The following PLD2 variants were observed in gnomAD, a reference collection of about 807,000 sequenced individuals.
PLD2 encodes choline phosphatase 2.
Under a neutral mutation model 119.8 loss-of-function variants are expected in PLD2, and 101 were observed. The ratio of observed to expected loss-of-function variants is 0.84; its 90% confidence interval spans 0.72 to 0.99. PLD2 has a LOEUF of 0.99. Ranked by LOEUF, PLD2 falls within the 50% of genes least tolerant of loss-of-function variation. The pLI, the probability that PLD2 is intolerant of heterozygous loss-of-function variation, is 0.00. For missense variants in PLD2, 1,164 were observed against 1,226.8 expected, an observed-to-expected ratio of 0.95 and a Z score of 0.76; for synonymous variants, 494 against 482.8, an observed-to-expected ratio of 1.02 and a Z score of -0.30.
In PLD2 at chr17:4,821,840, C is replaced by T. The variant is rs780039454; in HGVS notation, c.2510C>T (p.Pro837Leu). Residue 837 changes from proline to leucine, a missense_variant, in exon 24 of 25, where the codon CCC becomes CTC. By Grantham distance (98) the Pro-to-Leu change is moderately conservative (BLOSUM62 -3). Coordinates refer to ENST00000263088, the MANE Select transcript of PLD2 (RefSeq NM_002663.5). ...NTRPDLDLRD[P>L]ICDDFFQLWQ... Reference sequence around the variant, plus strand: ...CGGCCAGACTTGGATCTCCGAGACCCCATCTGTGATGACTTCTTCCAGTTG... The same window carrying T: ...CGGCCAGACTTGGATCTCCGAGACCTCATCTGTGATGACTTCTTCCAGTTG... The T allele has an allele frequency of 1.9e-6, 3 of 1,614,090 alleles. No homozygotes were observed. In the Admixed American group the frequency reaches 5.0e-5, roughly 27 times the overall value.
rs1132447 is a variant in PLD2 at position 4,814,693 on chromosome 17, T to C, written c.1155T>C (p.Ile385=). The part of the protein sequence containing the change: ...PAHSDDWRLD[I]MLKRKAEEGV... ...ATTCAGATGACTGGAGACTGGACAT[T>C]ATGCTCAAGAGGAAGGCGGTGAGGA... is the stretch of plus-strand genomic sequence containing the variant. Residue 385 remains isoleucine, a synonymous_variant, in exon 12 of 25, where the codon ATT becomes ATC. Coordinates refer to ENST00000263088, the MANE Select transcript of PLD2 (RefSeq NM_002663.5). The C allele has an allele frequency of 6.2e-7, 1 of 1,613,768 alleles. No individual in the cohort carries two copies. Among genetic ancestry groups the C allele is most frequent in the South Asian group, 1.1e-5 (1 of 91,074 alleles).
chr17:4,819,768 C>T lies in PLD2; in HGVS notation c.2462+186C>T, dbSNP rs1434804339. Among the ~76,000 whole-genome samples, 2 of 151,728 alleles carry T rather than the reference C, an allele frequency of 1.3e-5. No individual in the cohort carries two copies. The highest frequency in any genetic ancestry group is 4.8e-5 in the African/African-American group (2 of 41,338). On this transcript the variant is annotated intron_variant, in intron 23 of 24. Transcript: ENST00000263088. This position sits in a 1 kb window ranked among gnomAD's most constrained non-coding sequence, Gnocchi z 4.2. Reference sequence around the variant, plus strand: ...ATCCCAGCACTTTGGGAGGCCAAGGCGGGTGGATTGCCTGAGGTCAGGATT... The same window carrying T: ...ATCCCAGCACTTTGGGAGGCCAAGGTGGGTGGATTGCCTGAGGTCAGGATT...
Position 4,816,621 on chromosome 17 carries a change from C to T in PLD2, c.1457C>T (p.Pro486Leu). 6.2e-7 allele frequency: 1 copy of T among 1,613,956 alleles called. No individual in the cohort carries two copies. Among genetic ancestry groups the T allele is most frequent in the Non-Finnish European group, 8.5e-7 (1 of 1,179,872 alleles). Residue 486 changes from proline (P) to leucine (L), a missense_variant and splice_region_variant, in exon 15 of 25, where the codon CCT becomes CTT. Physicochemically the swap from Pro to Leu is moderately conservative, Grantham distance 98. Transcript: ENST00000263088. Reference sequence around the variant, plus strand: ...GGCTTGGGTGTGTTCCCCCTACAGCCTCCCACCCCGCGCCCAGACTCACCA... The same window carrying T: ...GGCTTGGGTGTGTTCCCCCTACAGCTTCCCACCCCGCGCCCAGACTCACCA... ...GDSSESAASQ[P>L]PTPRPDSPAT...
Position 4,814,474 on chromosome 17 carries a change from A to T in PLD2, c.1067A>T (p.Gln356Leu). The T allele has an allele frequency of 1.2e-6, 2 of 1,613,418 alleles. No homozygotes were observed. Among genetic ancestry groups the T allele is most frequent in the Non-Finnish European group, 1.7e-6 (2 of 1,179,792 alleles). The change falls in exon 11 of 25, where the codon CAA becomes CTA. Residue 356 changes from glutamine to leucine, a missense_variant. Physicochemically the swap from Gln to Leu is moderately radical, Grantham distance 113. Coordinates refer to ENST00000263088, the MANE Select transcript of PLD2 (RefSeq NM_002663.5). The stretch of plus-strand genomic sequence containing the variant: ...GTGGCAGATGCCATCCTTCGAGCTC[A>T]AGAGGAGATTTTCATCACAGACTGG... Reference protein sequence around the residue: ...AAVADAILRAQEEIFITDWWL... With the variant: ...AAVADAILRALEEIFITDWWL...
In PLD2 at chr17:4,818,339, A is replaced by C; in HGVS notation, c.1963A>C (p.Asn655His). Reference sequence around the variant, plus strand: ...CTGCTCAGATGGGCGGACGGTTCTGAACAAGGTGGGCGATGAGATTGTGGA... The same window carrying C: ...CTGCTCAGATGGGCGGACGGTTCTGCACAAGGTGGGCGATGAGATTGTGGA... ...ISCSDGRTVLNKVGDEIVDRI... is the reference protein window; with the variant it reads ...ISCSDGRTVLHKVGDEIVDRI... The change falls in exon 19 of 25, where the codon AAC (asparagine) becomes CAC (histidine). Residue 655 changes from asparagine (N) to histidine (H), a missense_variant. Coordinates refer to ENST00000263088, the MANE Select transcript of PLD2 (RefSeq NM_002663.5). 1.9e-6 allele frequency: 3 copies of C among 1,614,194 alleles called. No individual in the cohort carries two copies. The highest frequency in any genetic ancestry group is 2.5e-6 in the Non-Finnish European group (3 of 1,180,028).
At position 4,810,853 on chromosome 17, in the gene PLD2, A is replaced by C; in HGVS notation, c.912A>C (p.Gln304His). ...SSYRQARWWA[Q>H]EITELAQGPG... ...ACCGGCAGGCACGGTGGTGGGCCCA[A>C]GAGATCACTGAGCTGGCACAGGGCC... The change falls in exon 10 of 25, where the codon CAA becomes CAC. Residue 304 changes from glutamine (Q) to histidine (H), a missense_variant. Coordinates refer to ENST00000263088, the MANE Select transcript of PLD2 (RefSeq NM_002663.5). The C allele has an allele frequency of 6.2e-7, 1 of 1,613,800 alleles. No homozygotes were observed. The highest frequency in any genetic ancestry group is 8.5e-7 in the Non-Finnish European group (1 of 1,179,876).
chr17:4,814,341 A>T lies in PLD2; in HGVS notation c.1011-77A>T, dbSNP rs1035438968. The stretch of plus-strand genomic sequence containing the variant: ...ACCTTGCTGTCACCTCTGACCCACG[A>T]CTGTCCTCCGGTCTTCACTCTCCAG... On this transcript the variant is annotated intron_variant, in intron 10 of 24. Coordinates refer to ENST00000263088, the MANE Select transcript of PLD2 (RefSeq NM_002663.5). 5 of 1,542,930 alleles carry T rather than the reference A, an allele frequency of 3.2e-6. No homozygotes were observed. The African/African-American group carries it at 5.5e-5, about 17-fold the overall frequency.
chr17:4,808,220 TGGGGAGGC>T lies in PLD2; in HGVS notation c.241-48_241-41del. ...GGGGCAAAAGGAGGGCTGGCCAGAG[TGGGGAGGC>T]GGGGACCCACGCAGGGGACATCCAT... On this transcript the variant is annotated intron_variant, in intron 3 of 24. Coordinates refer to ENST00000263088, the MANE Select transcript of PLD2 (RefSeq NM_002663.5). The surrounding 1 kb of genome is among the most constrained non-coding windows in gnomAD (Gnocchi z 4.1). The T allele has an allele frequency of 1.3e-6, 2 of 1,598,112 alleles. No individual in the cohort carries two copies. The highest frequency in any genetic ancestry group is 1.7e-6 in the Non-Finnish European group (2 of 1,169,294).
At position 4,815,947 on chromosome 17, in the gene PLD2, A is replaced by G. The variant is rs1906929423; in HGVS notation, c.1455+13A>G. The G allele has an allele frequency of 6.3e-7, 1 of 1,591,990 alleles. No individual in the cohort carries two copies. Among genetic ancestry groups the G allele is most frequent in the Non-Finnish European group, 8.6e-7 (1 of 1,160,250 alleles). On this transcript the variant is annotated intron_variant, in intron 14 of 24. Transcript: ENST00000263088. The stretch of plus-strand genomic sequence containing the variant: ...AGCTGCCTCCCAGGTAATCCCCCTG[A>G]GGCCTTCCTGAGCACCCCCAAACTC...
At chr17:4,817,357 T>C in intron 17 of PLD2, 98 bp downstream of exon 17, 1 of 850,676 alleles carries the variant, frequency 1.2e-6, no homozygotes. Context: ...CACTCTCCTT[T>C]CCTGGGGTTA....
Position 4,816,630 on chromosome 17 carries a change from C to T in PLD2, c.1466C>T (p.Pro489Leu), listed in dbSNP as rs200699572. The T allele has an allele frequency of 4.5e-5, 72 of 1,613,998 alleles. No homozygotes were observed. Among genetic ancestry groups the T allele is most frequent in the African/African-American group, 1.3e-4 (10 of 75,012 alleles). ...GTGTTCCCCCTACAGCCTCCCACCCCGCGCCCAGACTCACCAGCCACCCCA... is the reference window on the plus strand; with the variant it reads ...GTGTTCCCCCTACAGCCTCCCACCCTGCGCCCAGACTCACCAGCCACCCCA... ...SESAASQPPT[P>L]RPDSPATPDL... Residue 489 changes from proline (P) to leucine (L), a missense_variant, in exon 15 of 25, where the codon CCG (proline) becomes CTG (leucine). Coordinates refer to ENST00000263088, the MANE Select transcript of PLD2 (RefSeq NM_002663.5).
At chr17:4,814,762 G>T (rs768950535) in intron 12 of PLD2, 51 bp downstream of exon 12, 6 of 1,520,550 alleles carry the variant, frequency 3.9e-6, no homozygotes, top group Non-Finnish European at 5.5e-6. Context: ...GTGGGTGGAG[G>T]TTGATTAGCA....
rs575972660 is a variant in PLD2, at chr17:4,819,339, T to A, written c.2309-90T>A. 109 of 1,600,246 alleles carry A rather than the reference T, an allele frequency of 6.8e-5. 1 individual carries two copies. The highest frequency in any genetic ancestry group is 4.7e-4 in the Admixed American group (28 of 59,288). Reference sequence around the variant, plus strand: ...TAGGGGTGGAGGGTCCAAGAAGGAATGTTGCAGGCCAGTGCTTTGGTAGAG... The same window carrying A: ...TAGGGGTGGAGGGTCCAAGAAGGAAAGTTGCAGGCCAGTGCTTTGGTAGAG... On this transcript the variant is annotated intron_variant, in intron 22 of 24. Coordinates refer to ENST00000263088, the MANE Select transcript of PLD2 (RefSeq NM_002663.5). The surrounding 1 kb of genome is among the most constrained non-coding windows in gnomAD (Gnocchi z 4.2).
rs752219225 is a variant in PLD2, at chr17:4,819,470, G to T, written c.2350G>T (p.Asp784Tyr). The change falls in exon 23 of 25, where the codon GAC (aspartate) becomes TAC (tyrosine). Residue 784 changes from aspartate (D) to tyrosine (Y), a missense_variant. By Grantham distance (160) the Asp-to-Tyr change is radical. Coordinates refer to ENST00000263088, the MANE Select transcript of PLD2 (RefSeq NM_002663.5). The surrounding 1 kb of genome is among the most constrained non-coding windows in gnomAD (Gnocchi z 4.2). The part of the protein sequence containing the change: ...INDRSLLGKR[D>Y]SELAVLIEDT... ...TGACCGGAGCTTGCTGGGGAAGCGG[G>T]ACAGTGAGCTGGCCGTGCTGATCGA... is the stretch of plus-strand genomic sequence containing the variant. 4 of 1,613,940 alleles carry T rather than the reference G, an allele frequency of 2.5e-6. No individual in the cohort carries two copies. The East Asian group carries it at 8.9e-5, about 36-fold the overall frequency.
chr17:4,822,733 T>G lies in PLD2; in HGVS notation c.2671T>G (p.Leu891Val). 6.2e-7 allele frequency: 1 copy of G among 1,613,896 alleles called. No individual in the cohort carries two copies. The highest frequency in any genetic ancestry group is 8.5e-7 in the Non-Finnish European group (1 of 1,179,786). ...VEPLATVSPP[L>V]ARSELTQVQG... The stretch of plus-strand genomic sequence containing the variant: ...GCCCTTGGCCACGGTCAGTCCCCCC[T>G]TGGCTCGGTCTGAGCTCACCCAGGT... Residue 891 changes from leucine to valine, a missense_variant, in exon 25 of 25, where the codon TTG becomes GTG. By Grantham distance (32) the Leu-to-Val change is conservative. Coordinates refer to ENST00000263088, the MANE Select transcript of PLD2 (RefSeq NM_002663.5).
At chr17:4,810,068 T>G in intron 9 of PLD2, 39 bp downstream of exon 9, 2 of 1,604,928 alleles carry the variant, frequency 1.2e-6, no homozygotes, top group Non-Finnish European at 1.7e-6. Context: ...AGCTGAGTGG[T>G]GAGCCCACCC....
Position 4,819,493 on chromosome 17 carries a change from C to T in PLD2, c.2373C>T (p.Ile791=), listed in dbSNP as rs768926191. Residue 791 remains isoleucine, a synonymous_variant, in exon 23 of 25, where the codon ATC becomes ATT. Coordinates refer to ENST00000263088, the MANE Select transcript of PLD2 (RefSeq NM_002663.5). The surrounding 1 kb of genome is among the most constrained non-coding windows in gnomAD (Gnocchi z 4.2). ...GKRDSELAVL[I]EDTETEPSLM... ...GGGACAGTGAGCTGGCCGTGCTGAT[C>T]GAGGACACAGAGACGGAACCATCCC... 17 of 1,613,934 alleles carry T rather than the reference C, an allele frequency of 1.1e-5. No homozygotes were observed. Among genetic ancestry groups the T allele is most frequent in the Admixed American group, 1.7e-5 (1 of 59,980 alleles).
Position 4,822,905 on chromosome 17 carries a change from C to A in PLD2, c.*41C>A. 4 of 1,152,864 alleles carry A rather than the reference C, an allele frequency of 3.5e-6. No homozygotes were observed. Among genetic ancestry groups the A allele is most frequent in the Non-Finnish European group, 5.1e-6 (4 of 777,906 alleles). The allele number at this position is 1,152,864 out of a possible 1,614,324, so 71.4% of individuals were successfully genotyped here. A position where few individuals can be genotyped will look rare whatever the true frequency, so the allele number is the denominator to read the frequency against. On this transcript the variant is annotated 3_prime_UTR_variant, in exon 25 of 25. Transcript: ENST00000263088. ...GGGAGAGGTCACCAGCTGCTGTGCC[C>A]CACCACGTCTGGCTCCCTGCCCCTT...
chr17:4,819,374 T>C lies in PLD2; in HGVS notation c.2309-55T>C. On this transcript the variant is annotated intron_variant, in intron 22 of 24. Coordinates refer to ENST00000263088, the MANE Select transcript of PLD2 (RefSeq NM_002663.5). This position sits in a 1 kb window ranked among gnomAD's most constrained non-coding sequence, Gnocchi z 4.2. ...CAGTGCTTTGGTAGAGGGGATGGGG[T>C]ACTGGGGAGAGTGCCCTGGGCCCAA... The C allele has an allele frequency of 6.2e-7, 1 of 1,605,954 alleles. No homozygotes were observed. Among genetic ancestry groups the C allele is most frequent in the Non-Finnish European group, 8.5e-7 (1 of 1,175,576 alleles).
Sources: gnomAD v4.1 joint callset for allele counts (sites outside exome capture counted in the v4.1 genomes callset) on GRCh38, gnomAD v4.1.1 for gene constraint, Gnocchi (gnomAD v3.1) non-coding constraint, MANE v1.5 for transcripts, NCBI Gene and HGNC (gene_info 2026-07-23, HGNC 2026-07-21) for gene names.